Variants in CSMD1 observed in about 807,000 individuals in gnomAD.
CSMD1 encodes CUB and sushi domain-containing protein 1.
Under a neutral mutation model 417.5 loss-of-function variants are expected in CSMD1, and 213 were observed. The observed-to-expected ratio is 0.51, with a 90% CI of 0.46 to 0.57. CSMD1 has a LOEUF of 0.57. CSMD1 is among the 20% of genes least tolerant of loss of function. CSMD1 has a pLI of 0.00. For synonymous variants in CSMD1, 2,862 were observed against 1,736.8 expected (o/e 1.65, Z -16.11); for missense variants, 6,923 against 4,529.7 (o/e 1.53, Z -15.17).
At chr8:4,382,291 T>A (rs1302694794) in intron 3 of CSMD1, among the ~76,000 whole-genome samples, 1 of 152,160 alleles carries the variant, frequency 6.6e-6, no homozygotes, top group East Asian at 1.9e-4. Context: ...ATTGAGTTCT[T>A]TATCCAGAAA....
intron 1 of CSMD1, among the ~76,000 whole-genome samples, chr8:4,836,362 C>T (rs903825914): frequency 1.3e-5 from 2 of 152,140 alleles, no homozygotes; most frequent in African/African-American, 4.8e-5. Context: ...CTATGTGGAG[C>T]CATGCCACAT....
chr8:4,146,104 A>G (rs977477306), intron 3 of CSMD1, among the ~76,000 whole-genome samples: 2 of 151,014 alleles, frequency 1.3e-5, no homozygotes, highest in African/African-American at 5.0e-5. Context: ...ACACACCAAC[A>G]TAATGGCAGT....
chr8:4,426,083 A>G (rs191913938), intron 2 of CSMD1, among the ~76,000 whole-genome samples: 1 of 148,224 alleles, frequency 6.7e-6, no homozygotes, highest in African/African-American at 2.6e-5. Context: ...AAAAGGAATT[A>G]TTTTGAAAAA....
intron 2 of CSMD1, among the ~76,000 whole-genome samples, chr8:4,512,387 A>C (rs563525826): frequency 6.6e-6 from 1 of 152,298 alleles, no homozygotes; most frequent in East Asian, 1.9e-4. Flanking sequence ...ACAAGGCACA[A>C]ATGTCCCCTT....
At chr8:4,196,958 G>C (rs570591501) in intron 3 of CSMD1, among the ~76,000 whole-genome samples, 1 of 152,234 alleles carries the variant, frequency 6.6e-6, no homozygotes, top group East Asian at 1.9e-4. Context: ...TCCAATTTTA[G>C]TCATTTGAGC....
intron 7 of CSMD1, among the ~76,000 whole-genome samples, chr8:3,670,998 A>ATC: frequency 9.2e-6 from 1 of 108,986 alleles, no homozygotes; most frequent in Non-Finnish European, 1.9e-5. Flanking sequence ...TGGGATATAT[A>ATC]TGTATGGGAT....
At chr8:4,072,272 C>A (rs991647872) in intron 3 of CSMD1, among the ~76,000 whole-genome samples, 1 of 152,072 alleles carries the variant, frequency 6.6e-6, no homozygotes, top group African/African-American at 2.4e-5. Context: ...TTTGGCCATC[C>A]TGAATTGCAC....
intron 21 of CSMD1, among the ~76,000 whole-genome samples, chr8:3,357,042 G>T (rs35800197): frequency 0.16 from 23,813 of 151,890 alleles, 2,270 homozygotes; most frequent in African/African-American, 0.25. Context: ...CTGGAGTGAG[G>T]TGGGGCTAGG....
chr8:3,517,911 G>T (rs528683427), intron 10 of CSMD1, among the ~76,000 whole-genome samples: 2 of 151,872 alleles, frequency 1.3e-5, no homozygotes, highest in Non-Finnish European at 2.9e-5. Context: ...AAGAGTTCGG[G>T]GCCTCCTTCC....
intron 5 of CSMD1, among the ~76,000 whole-genome samples, chr8:3,928,854 G>C (rs990731486): frequency 1.5e-5 from 2 of 130,698 alleles, no homozygotes; most frequent in Admixed American, 8.7e-5. Context: ...ACTATACAAG[G>C]GTAGGAGAAA....
At chr8:3,341,302 G>A (rs962982215) in intron 23 of CSMD1, among the ~76,000 whole-genome samples, 3 of 152,160 alleles carry the variant, frequency 2.0e-5, no homozygotes, top group Non-Finnish European at 4.4e-5. Flanking sequence ...AACAGAAGAG[G>A]CTTCAGAATT....
intron 5 of CSMD1, among the ~76,000 whole-genome samples, chr8:3,940,296 T>C (rs1157676511): frequency 6.6e-6 from 1 of 152,082 alleles, no homozygotes; most frequent in Non-Finnish European, 1.5e-5. Flanking sequence ...TTTAGGGTGG[T>C]GAATTTATAT....
intron 7 of CSMD1, among the ~76,000 whole-genome samples, chr8:3,647,841 G>A (rs924485398): frequency 6.6e-6 from 1 of 152,180 alleles, no homozygotes; most frequent in Non-Finnish European, 1.5e-5. Context: ...ATCTGAGAAG[G>A]CACTTTGTAC....
chr8:3,345,506 A>G (rs889736715), intron 22 of CSMD1, among the ~76,000 whole-genome samples: 1 of 152,186 alleles, frequency 6.6e-6, no homozygotes, highest in Non-Finnish European at 1.5e-5. Context: ...AAACCCAGAT[A>G]GGAGTGGAAG....
chr8:3,431,707 G>T (rs1050297446), intron 12 of CSMD1, among the ~76,000 whole-genome samples: 1 of 152,112 alleles, frequency 6.6e-6, no homozygotes, highest in African/African-American at 2.4e-5. Context: ...AAAATTAAGA[G>T]GAAACACATC....
intron 2 of CSMD1, among the ~76,000 whole-genome samples, chr8:4,430,609 C>G (rs1412699417): frequency 1.3e-5 from 2 of 151,932 alleles, no homozygotes; most frequent in African/African-American, 4.8e-5. Flanking sequence ...ACAAGTTTGT[C>G]AAGAATTCAA....
rs76536406 is a variant in CSMD1 at position 4,598,919 on chromosome 8, A to G, written c.302+38423T>C. On this transcript the variant is annotated intron_variant, in intron 2 of 69. Coordinates refer to ENST00000635120, the MANE Select transcript of CSMD1 (RefSeq NM_033225.6). ...TTCCTAGAGTCAGTGAAGATCTTCA[A>G]AAAAACAATAATTTCAGTTGTTTCT... is the stretch of plus-strand genomic sequence containing the variant. Among the ~76,000 whole-genome samples the G allele has an allele frequency of 1.1e-4, 16 of 152,298 alleles. No individual in the cohort carries two copies. In the East Asian group the frequency reaches 3.1e-3, roughly 29 times the overall value.
intron 3 of CSMD1, among the ~76,000 whole-genome samples, chr8:4,220,018 A>T (rs1271408005): frequency 6.6e-6 from 1 of 152,072 alleles, no homozygotes; most frequent in Non-Finnish European, 1.5e-5. Flanking sequence ...GGTGCGATCT[A>T]GGCTGACTAC....
At chr8:3,300,586 T>G (rs1309651535) in intron 25 of CSMD1, among the ~76,000 whole-genome samples, 1 of 152,122 alleles carries the variant, frequency 6.6e-6, no homozygotes, top group African/African-American at 2.4e-5. Context: ...TCCTAGGCAT[T>G]TATTCTAAGG....
Sources: gnomAD v4.1 joint callset for allele counts (sites outside exome capture counted in the v4.1 genomes callset) on GRCh38, gnomAD v4.1.1 for gene constraint, MANE v1.5 for transcripts, NCBI Gene and HGNC (gene_info 2026-07-23, HGNC 2026-07-21) for gene names.